Variants in FRMD4A observed in about 807,000 individuals in gnomAD.
FRMD4A encodes the protein FERM domain containing 4A, also known as FERM domain-containing protein 4A.
A neutral mutation model predicts 129.1 loss-of-function variants in FRMD4A; 29 were observed. The observed-to-expected ratio is 0.22, with a 90% CI of 0.17 to 0.31. The LOEUF (loss-of-function observed/expected upper bound fraction) is 0.31. Ranked by LOEUF, FRMD4A falls within the 10% of genes least tolerant of loss-of-function variation. The pLI, the probability that FRMD4A is intolerant of heterozygous loss-of-function variation, is 1.00. For missense variants in FRMD4A, 1,272 were observed against 1,375.8 expected, an observed-to-expected ratio of 0.92 and a Z score of 1.19; for synonymous variants, 634 against 571.6, an observed-to-expected ratio of 1.11 and a Z score of -1.56.
chr10:13,856,852 C>T (rs926406491), intron 3 of FRMD4A, among the ~76,000 whole-genome samples: 6 of 152,150 alleles, frequency 3.9e-5, no homozygotes, highest in African/African-American at 7.2e-5. Context: ...CATTTGAGGT[C>T]TCATTTCCTA....
At chr10:13,842,375 C>G (rs1363940384) in intron 3 of FRMD4A, among the ~76,000 whole-genome samples, 4 of 152,164 alleles carry the variant, frequency 2.6e-5, no homozygotes, top group African/African-American at 9.7e-5. Flanking sequence ...CGTGCATGAG[C>G]CCAGTCAATA....
chr10:13,892,302 T>C (rs923848745), intron 2 of FRMD4A, among the ~76,000 whole-genome samples: 6 of 152,028 alleles, frequency 3.9e-5, no homozygotes, highest in Non-Finnish European at 5.9e-5. Context: ...TACCCCTCGA[T>C]CTAGTCCAAT....
At chr10:13,928,902 C>T (rs1273806191) in intron 2 of FRMD4A, among the ~76,000 whole-genome samples, 1 of 152,188 alleles carries the variant, frequency 6.6e-6, no homozygotes. Context: ...AAGGAGGAGG[C>T]CTCCTTGAAA....
At chr10:13,738,102 C>G (rs868786439) in intron 11 of FRMD4A, among the ~76,000 whole-genome samples, 172 bp from the exon 12 acceptor site, 1 of 152,234 alleles carries the variant, frequency 6.6e-6, no homozygotes, top group African/African-American at 2.4e-5. Flanking sequence ...TTGAAGGATA[C>G]TCTGTTATGT....
chr10:14,279,182 ATTTTTTTTTTT>A (rs1223887250), intron 2 of FRMD4A, among the ~76,000 whole-genome samples: 3 of 99,632 alleles, frequency 3.0e-5, no homozygotes, highest in African/African-American at 4.1e-5. Flanking sequence ...AGGAAGCGGG[ATTTTTTTTTTT>A]TTTTTTTTTT....
chr10:14,034,860 A>C (rs1052923055), intron 2 of FRMD4A, among the ~76,000 whole-genome samples: 1 of 152,096 alleles, frequency 6.6e-6, no homozygotes, highest in African/African-American at 2.4e-5. Context: ...AACAACTACA[A>C]CCTTGGGGAC....
chr10:13,974,087 G>A (rs117292450), intron 2 of FRMD4A, among the ~76,000 whole-genome samples: 1 of 149,472 alleles, frequency 6.7e-6, no homozygotes, highest in Non-Finnish European at 1.5e-5. Flanking sequence ...GAGTGCAGTG[G>A]TGCGATTTCG....
chr10:13,818,918 G>T (rs571056082), intron 3 of FRMD4A, among the ~76,000 whole-genome samples: 5 of 152,186 alleles, frequency 3.3e-5, no homozygotes, highest in Admixed American at 3.3e-4. Flanking sequence ...CTGAGGCCAG[G>T]AGTTTGAGAC....
chr10:13,791,524 T>C (rs2093000486), intron 5 of FRMD4A, among the ~76,000 whole-genome samples: 2 of 151,678 alleles, frequency 1.3e-5, no homozygotes, highest in African/African-American at 2.4e-5. Flanking sequence ...CAGGAAGTAG[T>C]TGGAAGGGTG....
intron 2 of FRMD4A, among the ~76,000 whole-genome samples, chr10:14,077,100 C>T (rs886256835): frequency 6.0e-4 from 91 of 152,266 alleles, no homozygotes; most frequent in African/African-American, 2.0e-3. Flanking sequence ...AGCCTGGTGT[C>T]ACCCAAACAC....
At chr10:13,775,384 G>C (rs2092571256) in intron 6 of FRMD4A, among the ~76,000 whole-genome samples, 1 of 152,210 alleles carries the variant, frequency 6.6e-6, no homozygotes, top group Non-Finnish European at 1.5e-5. Context: ...GGATAGGATG[G>C]TGGGCTTTTC....
chr10:14,072,655 G>C (rs1427592492), intron 2 of FRMD4A, among the ~76,000 whole-genome samples: 2 of 152,066 alleles, frequency 1.3e-5, no homozygotes, highest in Admixed American at 1.3e-4. Context: ...TCTCCACAAA[G>C]GACCATTTAT....
At chr10:13,855,772 T>C (rs1054234290) in intron 3 of FRMD4A, among the ~76,000 whole-genome samples, 8 of 152,110 alleles carry the variant, frequency 5.3e-5, no homozygotes, top group Admixed American at 5.2e-4. Flanking sequence ...TAGAGGTGGG[T>C]CCAGATGAGC....
chr10:13,891,508 C>T (rs1048730807), intron 2 of FRMD4A: 2 of 694,478 alleles, frequency 2.9e-6, no homozygotes, highest in African/African-American at 1.9e-5. Flanking sequence ...TCCAGGCCCC[C>T]AGTAAAGAAG....
chr10:14,265,007 C>T (rs1312711070), intron 2 of FRMD4A, among the ~76,000 whole-genome samples: 1 of 152,188 alleles, frequency 6.6e-6, no homozygotes, highest in Non-Finnish European at 1.5e-5. Context: ...TGGTCTCGAA[C>T]TCCTGACCTC....
chr10:14,066,818 G>C (rs929284092), intron 2 of FRMD4A, among the ~76,000 whole-genome samples: 1 of 152,130 alleles, frequency 6.6e-6, no homozygotes, highest in African/African-American at 2.4e-5. Context: ...AGGGGAAAAT[G>C]ATCGTTATTG....
Position 14,254,154 on chromosome 10 carries a change from C to T in FRMD4A, c.45+75904G>A, listed in dbSNP as rs74711326. Among the ~76,000 whole-genome samples, 1,428 of 152,282 alleles carry T rather than the reference C, an allele frequency of 9.4e-3. 25 individuals carry two copies. The highest frequency in any genetic ancestry group is 0.033 in the African/African-American group (1,368 of 41,548). On this transcript the variant is annotated intron_variant, in intron 2 of 24. Transcript: ENST00000357447. ...CATTGAACTCCAATCAGCATTTCAC[C>T]CCTAGACATTCTTCCAAGTAAAAAT...
At chr10:13,858,806 G>A (rs1225501304) in intron 3 of FRMD4A, 41 bp downstream of exon 3, 1 of 1,160,108 alleles carries the variant, frequency 8.6e-7, no homozygotes, top group Admixed American at 1.7e-5. Flanking sequence ...AACCACATCA[G>A]TCACCAAAGA....
chr10:13,840,282 C>T (rs936943454), intron 3 of FRMD4A, among the ~76,000 whole-genome samples: 1 of 151,810 alleles, frequency 6.6e-6, no homozygotes, highest in South Asian at 2.1e-4. Context: ...CAGGGATACT[C>T]CAGTATACAG....
Sources: allele counts gnomAD v4.1 joint callset (sites outside exome capture counted in the v4.1 genomes callset), GRCh38; gene constraint gnomAD v4.1.1; transcripts MANE v1.5; gene names NCBI Gene and HGNC (gene_info 2026-07-23, HGNC 2026-07-21).